Variants in CABP7 observed in about 807,000 individuals in gnomAD.
CABP7 encodes calcium binding protein 7.
A neutral mutation model predicts 23.1 loss-of-function variants in CABP7; 13 were observed. The ratio of observed to expected loss-of-function variants is 0.56; its 90% CI spans 0.37 to 0.90. The LOEUF (loss-of-function observed/expected upper bound fraction) is 0.90, where lower values mean the gene tolerates loss of function less well. Among genes scored for constraint, CABP7 ranks in the 40% least tolerant of loss-of-function variants. The pLI, the probability that CABP7 is intolerant of heterozygous loss-of-function variation, is 0.01. For missense variants in CABP7, 248 were observed against 295.6 expected (o/e 0.84, Z 1.18); for synonymous variants, 123 against 115.3 (o/e 1.07, Z -0.43).
intron 2 of CABP7, among the ~76,000 whole-genome samples, chr22:29,728,259 C>T (rs1214027408): frequency 6.6e-6 from 1 of 152,190 alleles, no homozygotes; most frequent in East Asian, 1.9e-4. Context: ...CAGGTGACAG[C>T]CTTGGCAGGT....
intron 1 of CABP7, among the ~76,000 whole-genome samples, chr22:29,724,446 C>A (rs2067781806): frequency 6.6e-6 from 1 of 152,230 alleles, no homozygotes; most frequent in African/African-American, 2.4e-5. Context: ...ACCAGCCAGA[C>A]ACATGCTTGA....
In CABP7 at chr22:29,729,477, C is replaced by T. The variant is rs750253972; in HGVS notation, c.556C>T (p.Arg186Cys). The T allele has an allele frequency of 7.4e-6, 12 of 1,611,728 alleles. No homozygotes were observed. The highest frequency in any genetic ancestry group is 2.7e-5 in the African/African-American group (2 of 74,954). Residue 186 changes from arginine to cysteine, a missense_variant, in exon 5 of 5, where the codon CGC becomes TGC. Transcript: ENST00000216144. Reference sequence around the variant, plus strand: ...CCAGCAGATCCGCCAGACTTGCGTGCGCAAGAGTCTCATCTGCGCCTTCGC... The same window carrying T: ...CCAGCAGATCCGCCAGACTTGCGTGTGCAAGAGTCTCATCTGCGCCTTCGC... ...SNQQIRQTCV[R>C]KSLICAFAIA...
Position 29,727,299 on chromosome 22 carries a change from G to A in CABP7, c.110-363G>A, listed in dbSNP as rs1210562821. 6.6e-6 allele frequency among the ~76,000 whole-genome samples: 1 copy of A among 151,676 alleles called. No homozygotes were observed. Among genetic ancestry groups the A allele is most frequent in the African/African-American group, 2.4e-5 (1 of 41,288 alleles). On this transcript the variant is annotated intron_variant, in intron 1 of 4. Transcript: ENST00000216144. The surrounding 1 kb of genome is among the most constrained non-coding windows in gnomAD (Gnocchi z 4.2). ...GGGATGAAAGGAATGGGGGCGGGTG[G>A]GGAAGCCGTCAGCAGCCGCGGGGGC...
chr22:29,727,566 C>T lies in CABP7; in HGVS notation c.110-96C>T, dbSNP rs560369502. 7.6e-5 allele frequency: 114 copies of T among 1,507,558 alleles called. No individual in the cohort carries two copies. In the African/African-American group the frequency reaches 1.4e-3, roughly 18 times the overall value. 93.4% of individuals were successfully genotyped at this position (1,507,558 alleles called of 1,614,324 possible). A position where few individuals can be genotyped will look rare whatever the true frequency, so the allele number is the denominator to read the frequency against. Reference sequence around the variant, plus strand: ...AGGCTCTGGGTTGGGCTCTCAAGGCCATGCTCAGGCTGCAGGGTCGGTGAT... The same window carrying T: ...AGGCTCTGGGTTGGGCTCTCAAGGCTATGCTCAGGCTGCAGGGTCGGTGAT... On this transcript the variant is annotated intron_variant, in intron 1 of 4. Transcript: ENST00000216144. The surrounding 1 kb of genome is among the most constrained non-coding windows in gnomAD (Gnocchi z 4.2).
rs1490255018 is a variant in CABP7 at position 29,720,555 on chromosome 22, C to A, written c.109+22C>A. On this transcript the variant is annotated intron_variant, in intron 1 of 4. Transcript: ENST00000216144. The surrounding 1 kb of genome is among the most constrained non-coding windows in gnomAD (Gnocchi z 5.2). Reference sequence around the variant, plus strand: ...GAGGGTGAGTGTCCGCCGGGATCCCCGCCCCGGCGGCCCTCCTACCTGTGC... The same window carrying A: ...GAGGGTGAGTGTCCGCCGGGATCCCAGCCCCGGCGGCCCTCCTACCTGTGC... 1.3e-6 allele frequency: 2 copies of A among 1,482,482 alleles called. No homozygotes were observed. The highest frequency in any genetic ancestry group is 1.2e-5 in the South Asian group (1 of 82,242). 91.8% of individuals were successfully genotyped at this position (1,482,482 alleles called of 1,614,324 possible).
chr22:29,731,137 C>T lies in CABP7; in HGVS notation c.*1568C>T. 1 of 1,376,230 alleles carries T rather than the reference C, an allele frequency of 7.3e-7. No individual in the cohort carries two copies. Among genetic ancestry groups the T allele is most frequent in the Non-Finnish European group, 9.5e-7 (1 of 1,049,836 alleles). 85.3% of individuals were successfully genotyped at this position (1,376,230 alleles called of 1,614,324 possible). ...GGCTGGGCAGATGGTCTCGGAGCCT[C>T]CATGGGGCGTAGCAGGAACCGGGCT... is the stretch of plus-strand genomic sequence containing the variant. On this transcript the variant is annotated 3_prime_UTR_variant, in exon 5 of 5. Coordinates refer to ENST00000216144, the MANE Select transcript of CABP7 (RefSeq NM_182527.3).
chr22:29,726,302 C>T (rs1031491573), intron 1 of CABP7, among the ~76,000 whole-genome samples: 3 of 152,212 alleles, frequency 2.0e-5, no homozygotes, highest in Non-Finnish European at 2.9e-5. Context: ...CCCAAGCCAC[C>T]TCGAAGTGTG....
intron 4 of CABP7, 96 bp from the exon 5 acceptor site, chr22:29,729,346 T>G: frequency 6.3e-7 from 1 of 1,578,976 alleles, no homozygotes; most frequent in Non-Finnish European, 8.6e-7. Flanking sequence ...GGGCACCCCA[T>G]GGGATGAGCC....
intron 1 of CABP7, among the ~76,000 whole-genome samples, chr22:29,722,393 C>T (rs1415588012): frequency 6.6e-6 from 1 of 152,236 alleles, no homozygotes; most frequent in Non-Finnish European, 1.5e-5. Context: ...CAACAAGTGC[C>T]CTCCCCGCTT....
At position 29,728,739 on chromosome 22, in the gene CABP7, G is replaced by A; in HGVS notation, c.363G>A (p.Trp121Ter). Residue 121 changes from tryptophan to a stop codon, truncating the protein, a stop_gained, in exon 3 of 5, where the codon TGG becomes TGA. Transcript: ENST00000216144. LOFTEE classifies it high-confidence loss of function. ...GCACCGACTTTGATACTGTCTTCTG[G>A]AAGGTATCCCCTGGCTAGTTGGGAC... ...FHGTDFDTVF[W>*]KCDMQKLTVD... 1 of 1,608,406 alleles carries A rather than the reference G, an allele frequency of 6.2e-7. No individual in the cohort carries two copies. Among genetic ancestry groups the A allele is most frequent in the Non-Finnish European group, 8.5e-7 (1 of 1,175,242 alleles).
chr22:29,729,447 T>C lies in CABP7; in HGVS notation c.526T>C (p.Ser176Pro). 1 of 1,610,172 alleles carries C rather than the reference T, an allele frequency of 6.2e-7. No homozygotes were observed. The highest frequency in any genetic ancestry group is 1.3e-5 in the African/African-American group (1 of 75,054). Residue 176 changes from serine (S) to proline (P), a missense_variant, in exon 5 of 5, where the codon TCC becomes CCC. By Grantham distance (74) the Ser-to-Pro change is moderately conservative (BLOSUM62 -1). Coordinates refer to ENST00000216144, the MANE Select transcript of CABP7 (RefSeq NM_182527.3). ...CTCCCGGCGGGCGGCCACAGCCTGC[T>C]CCAACCAGCAGATCCGCCAGACTTG... ...EECPVDVETC[S>P]NQQIRQTCVR...
intron 1 of CABP7, among the ~76,000 whole-genome samples, chr22:29,725,506 C>T (rs566614917): frequency 1.1e-4 from 16 of 152,300 alleles, no homozygotes; most frequent in East Asian, 9.7e-4. Flanking sequence ...GACACAGCCA[C>T]GAACAAGACC....
rs956564427 is a variant in CABP7 at position 29,727,877 on chromosome 22, G to C, written c.253+72G>C. 24 of 1,520,166 alleles carry C rather than the reference G, an allele frequency of 1.6e-5. No individual in the cohort carries two copies. The highest frequency in any genetic ancestry group is 2.4e-4 in the Middle Eastern group (1 of 4,192). The allele number at this position is 1,520,166 out of a possible 1,614,324, so 94.2% of individuals were successfully genotyped here. On this transcript the variant is annotated intron_variant, in intron 2 of 4. Coordinates refer to ENST00000216144, the MANE Select transcript of CABP7 (RefSeq NM_182527.3). The surrounding 1 kb of genome is among the most constrained non-coding windows in gnomAD (Gnocchi z 4.2). ...GGGGGTGGGGCAGGGGCTGGGGCCT[G>C]AGCTGCTGAGGCTGCATCCAAATTG...
chr22:29,721,445 A>T (rs1202067756), intron 1 of CABP7, among the ~76,000 whole-genome samples: 1 of 151,412 alleles, frequency 6.6e-6, no homozygotes, highest in Non-Finnish European at 1.5e-5. Flanking sequence ...GGAGTGGGGG[A>T]TCTGGGCTGA....
chr22:29,722,830 G>A (rs911328010), intron 1 of CABP7, among the ~76,000 whole-genome samples: 4 of 152,252 alleles, frequency 2.6e-5, no homozygotes, highest in East Asian at 3.8e-4. Context: ...TGGGCAGCCC[G>A]GGATGGAATG....
At chr22:29,722,105 C>T (rs1327360806) in intron 1 of CABP7, among the ~76,000 whole-genome samples, 3 of 152,152 alleles carry the variant, frequency 2.0e-5, no homozygotes, top group South Asian at 2.1e-4. Flanking sequence ...AAGCAGGAGT[C>T]ACCATGTCTC....
chr22:29,722,359 C>G (rs1012030509), intron 1 of CABP7, among the ~76,000 whole-genome samples: 1 of 152,370 alleles, frequency 6.6e-6, no homozygotes, highest in African/African-American at 2.4e-5. Context: ...CTGGCAGGAG[C>G]CCAGCTGCGT....
Position 29,729,717 on chromosome 22 carries a change from C to A in CABP7, c.*148C>A. The A allele has an allele frequency of 9.8e-7, 1 of 1,015,314 alleles. No individual in the cohort carries two copies. Among genetic ancestry groups the A allele is most frequent in the Non-Finnish European group, 1.4e-6 (1 of 706,542 alleles). The allele number at this position is 1,015,314 out of a possible 1,614,324, so 62.9% of individuals were successfully genotyped here. On this transcript the variant is annotated 3_prime_UTR_variant, in exon 5 of 5. Transcript: ENST00000216144. Reference sequence around the variant, plus strand: ...GGGTATCCAGCGAGCCCTCCCCACCCACCCACGGTCCTCACCTGGAGCTGT... The same window carrying A: ...GGGTATCCAGCGAGCCCTCCCCACCAACCCACGGTCCTCACCTGGAGCTGT...
Position 29,720,588 on chromosome 22 carries a change from T to A in CABP7, c.109+55T>A, listed in dbSNP as rs2067753548. 5 of 1,232,068 alleles carry A rather than the reference T, an allele frequency of 4.1e-6. No individual in the cohort carries two copies. Among genetic ancestry groups the A allele is most frequent in the Non-Finnish European group, 5.5e-6 (5 of 905,060 alleles). 76.3% of individuals were successfully genotyped at this position (1,232,068 alleles called of 1,614,324 possible). A position where few individuals can be genotyped will look rare whatever the true frequency, so the allele number is the denominator to read the frequency against. ...CGGCCCTCCTACCTGTGCGCCCAGG[T>A]GAAGCGCGGGCCAGGGGCGCGGGGG... On this transcript the variant is annotated intron_variant, in intron 1 of 4. Transcript: ENST00000216144. The surrounding 1 kb of genome is among the most constrained non-coding windows in gnomAD (Gnocchi z 5.2).
Sources: gnomAD v4.1 joint callset for allele counts (sites outside exome capture counted in the v4.1 genomes callset) on GRCh38, gnomAD v4.1.1 for gene constraint, Gnocchi (gnomAD v3.1) non-coding constraint, MANE v1.5 for transcripts, NCBI Gene and HGNC (gene_info 2026-07-23, HGNC 2026-07-21) for gene names.